Variants in NR3C2 observed in about 807,000 individuals in gnomAD.
NR3C2 encodes the protein mineralocorticoid receptor.
A neutral mutation model predicts 86.4 loss-of-function variants in NR3C2; 15 were observed. The ratio of observed to expected loss-of-function variants is 0.17; its 90% CI spans 0.12 to 0.27. The LOEUF is 0.27. Ranked by LOEUF, NR3C2 falls within the 10% of genes least tolerant of loss-of-function variation. The pLI is 1.00. For missense variants in NR3C2, 960 were observed against 1,195.6 expected (o/e 0.80, Z 2.91); for synonymous variants, 458 against 450.5 (o/e 1.02, Z -0.21).
chr4:148,258,067 G>T (rs1458100778), intron 3 of NR3C2, among the ~76,000 whole-genome samples: 3 of 152,166 alleles, frequency 2.0e-5, no homozygotes, highest in African/African-American at 7.2e-5. Context: ...GAAACCTTTT[G>T]CTTCAGAAGT....
chr4:148,159,669 G>A (rs1404501758), intron 4 of NR3C2, among the ~76,000 whole-genome samples: 1 of 152,174 alleles, frequency 6.6e-6, no homozygotes, highest in Non-Finnish European at 1.5e-5. Context: ...GCTACACGCA[G>A]TCTCTCTTCT....
At chr4:148,132,003 T>TG (rs1329550644) in intron 6 of NR3C2, among the ~76,000 whole-genome samples, 8 of 152,174 alleles carry the variant, frequency 5.3e-5, no homozygotes, top group African/African-American at 1.7e-4. Context: ...TGGAAAAAAT[T>TG]TTTTTAAACC....
chr4:148,439,772 T>C (rs1488758068), intron 1 of NR3C2, among the ~76,000 whole-genome samples: 4 of 152,254 alleles, frequency 2.6e-5, no homozygotes. Context: ...ACTAAGATTC[T>C]GCACTTTTCG....
chr4:148,143,895 C>T (rs1404333525), intron 6 of NR3C2, among the ~76,000 whole-genome samples: 6 of 137,050 alleles, frequency 4.4e-5, no homozygotes, highest in Admixed American at 1.7e-4. Context: ...TGCGGTGAGC[C>T]GAGATCGCAC....
At chr4:148,221,863 C>T (rs1188648012) in intron 3 of NR3C2, among the ~76,000 whole-genome samples, 4 of 142,358 alleles carry the variant, frequency 2.8e-5, no homozygotes, top group African/African-American at 1.1e-4. Context: ...CATTGCACTC[C>T]AGCCTGGGTG....
Position 148,200,865 on chromosome 4 carries a change from C to T in NR3C2, c.1898-6003G>A, listed in dbSNP as rs183617941. Among the ~76,000 whole-genome samples the T allele has an allele frequency of 9.8e-4, 149 of 152,166 alleles. 1 individual carries two copies. Among genetic ancestry groups the T allele is most frequent in the African/African-American group, 3.5e-3 (144 of 41,520 alleles). On this transcript the variant is annotated intron_variant, in intron 3 of 8. Transcript: ENST00000358102. ...TTTCAATGGACTTGTAGCTAGTCTA[C>T]CTGCCTCTACTAATACACCACTTCT... is the stretch of plus-strand genomic sequence containing the variant.
At chr4:148,238,571 TCTCA>T (rs370526994) in intron 3 of NR3C2, among the ~76,000 whole-genome samples, 121 of 152,222 alleles carry the variant, frequency 7.9e-4, no homozygotes, top group African/African-American at 2.7e-3. Flanking sequence ...CCATGTTTTC[TCTCA>T]CTGTTGAGTT....
chr4:148,110,210 C>T (rs1221118859), intron 8 of NR3C2, among the ~76,000 whole-genome samples: 1 of 152,192 alleles, frequency 6.6e-6, no homozygotes, highest in East Asian at 1.9e-4. Context: ...GATTCAAACA[C>T]TCAACTATCA....
intron 3 of NR3C2, among the ~76,000 whole-genome samples, chr4:148,199,401 CT>C (rs1298191278): frequency 6.6e-6 from 1 of 152,156 alleles, no homozygotes; most frequent in African/African-American, 2.4e-5. Flanking sequence ...GGGCCCAAGA[CT>C]ATAGGCATGG....
At chr4:148,395,256 A>T (rs149653805) in intron 2 of NR3C2, among the ~76,000 whole-genome samples, 60 of 152,320 alleles carry the variant, frequency 3.9e-4, no homozygotes, top group African/African-American at 1.4e-3. Flanking sequence ...TTAAGAAAGA[A>T]CATACAACTT....
intron 2 of NR3C2, among the ~76,000 whole-genome samples, chr4:148,413,987 A>G (rs938771441): frequency 1.3e-5 from 2 of 152,214 alleles, no homozygotes; most frequent in African/African-American, 2.4e-5. Context: ...CTTGGGTATA[A>G]GCAGACATTT....
At chr4:148,338,187 A>G (rs1266946657) in intron 2 of NR3C2, among the ~76,000 whole-genome samples, 2 of 152,204 alleles carry the variant, frequency 1.3e-5, no homozygotes, top group East Asian at 1.9e-4. Context: ...TCCCTTCATT[A>G]CAAGGAACAG....
Position 148,203,957 on chromosome 4 carries a change from G to C in NR3C2, c.1898-9095C>G, listed in dbSNP as rs6849817. 4.7e-3 allele frequency among the ~76,000 whole-genome samples: 717 copies of C among 152,196 alleles called. 13 individuals carry two copies. The highest frequency in any genetic ancestry group is 0.017 in the African/African-American group (691 of 41,522). ...AAATCTTTTGAAATTATGTTTTTAG[G>C]ATTCTAACATTTTAATTTAGAAGTC... On this transcript the variant is annotated intron_variant, in intron 3 of 8. Transcript: ENST00000358102.
intron 2 of NR3C2, among the ~76,000 whole-genome samples, chr4:148,343,831 C>G (rs1171829146): frequency 6.6e-6 from 1 of 152,066 alleles, no homozygotes; most frequent in South Asian, 2.1e-4. Context: ...CTTTTGAGGT[C>G]TGGACATTCA....
chr4:148,082,853 A>C (rs1287646556), intron 8 of NR3C2, among the ~76,000 whole-genome samples: 1 of 152,022 alleles, frequency 6.6e-6, no homozygotes, highest in Non-Finnish European at 1.5e-5. Context: ...AGCAGTCTGA[A>C]GTCGACCCGG....
At chr4:148,392,478 G>T (rs1747637112) in intron 2 of NR3C2, among the ~76,000 whole-genome samples, 1 of 152,124 alleles carries the variant, frequency 6.6e-6, no homozygotes, top group South Asian at 2.1e-4. Flanking sequence ...CTCTCTTAGG[G>T]CATTTGCACT....
intron 2 of NR3C2, among the ~76,000 whole-genome samples, chr4:148,311,297 T>C (rs1742887346): frequency 1.3e-5 from 2 of 152,198 alleles, no homozygotes; most frequent in Admixed American, 6.5e-5. Context: ...CTACTCATCA[T>C]ATCCACGTAA....
At chr4:148,311,253 C>A (rs1427305817) in intron 2 of NR3C2, among the ~76,000 whole-genome samples, 1 of 152,102 alleles carries the variant, frequency 6.6e-6, no homozygotes, top group Non-Finnish European at 1.5e-5. Context: ...TAACTCCAAA[C>A]CAAACTTCTC....
At chr4:148,437,949 A>C (rs377651771) in intron 1 of NR3C2, among the ~76,000 whole-genome samples, 10 of 152,254 alleles carry the variant, frequency 6.6e-5, no homozygotes, top group African/African-American at 2.4e-4. Flanking sequence ...ATATTGATAT[A>C]ATTCTTACCC....
Sources: allele counts gnomAD v4.1 joint callset (sites outside exome capture counted in the v4.1 genomes callset), GRCh38; gene constraint gnomAD v4.1.1; transcripts MANE v1.5; gene names NCBI Gene and HGNC (gene_info 2026-07-23, HGNC 2026-07-21).